PDE4B: variants seen among roughly 807,000 people sequenced by gnomAD.
PDE4B encodes the protein 3',5'-cyclic-AMP phosphodiesterase 4B.
PDE4B carries 20 observed loss-of-function variants against 82.2 expected under a neutral mutation model. The ratio of observed to expected loss-of-function variants is 0.24; its 90% CI spans 0.17 to 0.35. The LOEUF (loss-of-function observed/expected upper bound fraction) is 0.35. Ranked by LOEUF, PDE4B falls within the 10% of genes least tolerant of loss-of-function variation. The pLI is 1.00. For synonymous variants in PDE4B, 320 were observed against 318.9 expected, an observed-to-expected ratio of 1.00 and a Z score of -0.04; for missense variants, 655 against 907.2, an observed-to-expected ratio of 0.72 and a Z score of 3.57.
intron 3 of PDE4B, among the ~76,000 whole-genome samples, chr1:66,191,225 C>T (rs1011621545): frequency 6.6e-5 from 10 of 152,052 alleles, no homozygotes; most frequent in Admixed American, 2.0e-4. Context: ...TCTAGGACTC[C>T]AGTACCTAAT....
chr1:65,929,364 A>G (rs758844236), intron 3 of PDE4B, among the ~76,000 whole-genome samples: 56 of 152,208 alleles, frequency 3.7e-4, no homozygotes, highest in Non-Finnish European at 7.6e-4. Context: ...TTACAAATTC[A>G]GTATCCCCAG....
intron 3 of PDE4B, among the ~76,000 whole-genome samples, chr1:66,105,578 A>C (rs965290168): frequency 6.6e-6 from 1 of 152,132 alleles, no homozygotes; most frequent in Admixed American, 6.6e-5. Context: ...ATGAGCATGG[A>C]ATGTTGTTCC....
intron 3 of PDE4B, among the ~76,000 whole-genome samples, chr1:66,200,396 G>T (rs1468097826): frequency 1.3e-5 from 2 of 152,174 alleles, no homozygotes; most frequent in African/African-American, 4.8e-5. Context: ...GTCATTGGTA[G>T]CTTGATGGGG....
At chr1:65,850,038 A>T (rs930146080) in intron 1 of PDE4B, among the ~76,000 whole-genome samples, 1 of 151,202 alleles carries the variant, frequency 6.6e-6, no homozygotes, top group Non-Finnish European at 1.5e-5. Flanking sequence ...CACCATTCGC[A>T]TTCCCACCAG....
In PDE4B at chr1:65,987,918, G is replaced by A. The variant is rs1182610006; in HGVS notation, c.281+69083G>A. Among the ~76,000 whole-genome samples the A allele has an allele frequency of 2.0e-5, 3 of 152,090 alleles. No individual in the cohort carries two copies. In the South Asian group the frequency reaches 6.2e-4, roughly 32 times the overall value. ...TGTGAGCAACTGTACCCGGACTTGCGTCTTGATATTCTTATCTGAAAATGG... is the reference window on the plus strand; with the variant it reads ...TGTGAGCAACTGTACCCGGACTTGCATCTTGATATTCTTATCTGAAAATGG... On this transcript the variant is annotated intron_variant, in intron 3 of 16. Coordinates refer to ENST00000341517, the MANE Select transcript of PDE4B (RefSeq NM_002600.4).
intron 15 of PDE4B, 90 bp from the exon 16 acceptor site, chr1:66,368,697 A>G (rs1418142247): frequency 1.4e-5 from 14 of 984,078 alleles, no homozygotes; most frequent in Non-Finnish European, 1.9e-5. Context: ...TCTCGGGTTT[A>G]GTACCAAGCG....
At chr1:66,059,632 A>G (rs1306877528) in intron 3 of PDE4B, among the ~76,000 whole-genome samples, 4 of 152,172 alleles carry the variant, frequency 2.6e-5, no homozygotes, top group Admixed American at 6.5e-5. Flanking sequence ...GAAAACCATC[A>G]GATCTTGTGA....
intron 3 of PDE4B, among the ~76,000 whole-genome samples, chr1:66,053,036 T>A (rs1170701082): frequency 6.6e-6 from 1 of 152,212 alleles, no homozygotes; most frequent in East Asian, 1.9e-4. Context: ...AGTCTTTCTA[T>A]GTGGGAGACA....
At chr1:66,006,820 A>G (rs1023160405) in intron 3 of PDE4B, among the ~76,000 whole-genome samples, 12 of 152,232 alleles carry the variant, frequency 7.9e-5, no homozygotes, top group Admixed American at 3.3e-4. Context: ...CTCTTCTGCC[A>G]TGATTGTAAG....
intron 3 of PDE4B, among the ~76,000 whole-genome samples, chr1:66,146,438 C>A (rs1226258563): frequency 6.6e-6 from 1 of 152,046 alleles, no homozygotes; most frequent in African/African-American, 2.4e-5. Flanking sequence ...CCCATCTCGG[C>A]CTCCCAAAGT....
intron 1 of PDE4B, among the ~76,000 whole-genome samples, chr1:65,902,854 T>C (rs1450236938): frequency 6.6e-6 from 1 of 152,160 alleles, no homozygotes; most frequent in Non-Finnish European, 1.5e-5. Flanking sequence ...AAGCTTTTGC[T>C]GAAACAAAAC....
At chr1:65,919,711 T>A (rs902058248) in intron 3 of PDE4B, among the ~76,000 whole-genome samples, 3 of 152,026 alleles carry the variant, frequency 2.0e-5, no homozygotes, top group Non-Finnish European at 2.9e-5. Context: ...TGTAGTAAAT[T>A]ATTAAAAATC....
chr1:66,096,525 T>TATATATA (rs1557557973), intron 3 of PDE4B, among the ~76,000 whole-genome samples: 7 of 142,476 alleles, frequency 4.9e-5, no homozygotes, highest in Middle Eastern at 3.6e-3. Context: ...TATATATATA[T>TATATATA]ATATATATAT....
intron 3 of PDE4B, among the ~76,000 whole-genome samples, chr1:66,073,936 G>C (rs1656291427): frequency 6.6e-6 from 1 of 152,132 alleles, no homozygotes; most frequent in East Asian, 1.9e-4. Flanking sequence ...AGTAGACCCA[G>C]GGTATATGAG....
chr1:66,357,781 C>T (rs1453838685), intron 9 of PDE4B, among the ~76,000 whole-genome samples: 2 of 152,054 alleles, frequency 1.3e-5, no homozygotes, highest in African/African-American at 4.8e-5. Flanking sequence ...ACAAAAGATG[C>T]ATCAGTTGCC....
At chr1:66,166,307 G>T (rs1646730081) in intron 3 of PDE4B, among the ~76,000 whole-genome samples, 1 of 152,136 alleles carries the variant, frequency 6.6e-6, no homozygotes, top group Non-Finnish European at 1.5e-5. Context: ...AAACACAGGA[G>T]TAAATATTCA....
At chr1:66,029,526 A>T (rs775935373) in intron 3 of PDE4B, among the ~76,000 whole-genome samples, 1 of 152,212 alleles carries the variant, frequency 6.6e-6, no homozygotes, top group Non-Finnish European at 1.5e-5. Flanking sequence ...TCAATTTGTC[A>T]TTATTGAAAA....
chr1:66,048,640 C>A (rs1398413036), intron 3 of PDE4B, among the ~76,000 whole-genome samples: 1 of 151,778 alleles, frequency 6.6e-6, no homozygotes, highest in Non-Finnish European at 1.5e-5. Context: ...GATGCTGGGG[C>A]CAAGTAGAGT....
intron 3 of PDE4B, among the ~76,000 whole-genome samples, chr1:66,101,086 AT>A (rs531726356): frequency 9.9e-5 from 15 of 151,764 alleles, no homozygotes; most frequent in Non-Finnish European, 1.9e-4. Flanking sequence ...GCGGTGTTTG[AT>A]TTTTTGTCCC....
Sources: allele counts gnomAD v4.1 joint callset (sites outside exome capture counted in the v4.1 genomes callset), GRCh38; gene constraint gnomAD v4.1.1; transcripts MANE v1.5; gene names NCBI Gene and HGNC (gene_info 2026-07-23, HGNC 2026-07-21).